The following GC variants were observed in gnomAD, a reference collection of about 807,000 sequenced individuals.
GC encodes the protein GC vitamin D binding protein, also known as vitamin D-binding protein.
In GC, 43 loss-of-function variants were observed where a neutral mutation model predicts 56.7. The observed-to-expected ratio is 0.76, with a 90% confidence interval of 0.59 to 0.98. The LOEUF is 0.98. Among genes scored for constraint, GC ranks in the 50% least tolerant of loss-of-function variants. The pLI is 0.00. For missense variants in GC, 529 were observed against 545.9 expected, an observed-to-expected ratio of 0.97 and a Z score of 0.31; for synonymous variants, 216 against 202.7, an observed-to-expected ratio of 1.07 and a Z score of -0.56.
intron 1 of GC, among the ~76,000 whole-genome samples, chr4:71,799,341 G>T (rs1407437180): frequency 6.6e-6 from 1 of 152,230 alleles, no homozygotes; most frequent in South Asian, 2.1e-4. Flanking sequence ...CTCAATGGAG[G>T]GCTATCTTCC....
intron 6 of GC, among the ~76,000 whole-genome samples, chr4:71,761,702 C>T (rs1358984033): frequency 1.3e-5 from 2 of 152,154 alleles, no homozygotes; most frequent in African/African-American, 4.8e-5. Context: ...CCCTGCATTC[C>T]AGCTGCTCCA....
intron 1 of GC, among the ~76,000 whole-genome samples, chr4:71,790,799 G>T (rs1250652279): frequency 6.6e-6 from 1 of 150,726 alleles, no homozygotes; most frequent in African/African-American, 2.4e-5. Context: ...AAGTTTTAGG[G>T]TACATGTGCA....
chr4:71,763,379 T>G, intron 6 of GC, 29 bp downstream of exon 6: 27 of 1,203,436 alleles, frequency 2.2e-5, no homozygotes, highest in Non-Finnish European at 3.3e-5. Context: ...ACCAAACATC[T>G]AAATATGACA....
At chr4:71,794,281 G>T (rs1388061492) in intron 1 of GC, among the ~76,000 whole-genome samples, 2 of 152,106 alleles carry the variant, frequency 1.3e-5, no homozygotes, top group South Asian at 2.1e-4. Context: ...GAATCTGTCT[G>T]GTCCTGGACT....
At chr4:71,795,471 G>A (rs1476802975) in intron 1 of GC, among the ~76,000 whole-genome samples, 1 of 152,024 alleles carries the variant, frequency 6.6e-6, no homozygotes, top group Non-Finnish European at 1.5e-5. Context: ...CAGAGACTCC[G>A]ATTGCAACCC....
chr4:71,771,690 A>G (rs1742347393), intron 1 of GC, among the ~76,000 whole-genome samples: 1 of 152,166 alleles, frequency 6.6e-6, no homozygotes, highest in Admixed American at 6.6e-5. Flanking sequence ...AAACCTCTGT[A>G]ATGTCTGAGA....
chr4:71,752,456 A>T, intron 11 of GC, 62 bp downstream of exon 11: 1 of 1,327,518 alleles, frequency 7.5e-7, no homozygotes, highest in Non-Finnish European at 1.1e-6. Context: ...AAATGAGTAG[A>T]TTGGAGTGCA....
chr4:71,771,160 C>T (rs1310772806), intron 1 of GC, among the ~76,000 whole-genome samples: 2 of 152,124 alleles, frequency 1.3e-5, no homozygotes, highest in Non-Finnish European at 2.9e-5. Flanking sequence ...TTGGGAAAGT[C>T]ATCTCAGGTG....
chr4:71,782,334 A>T (rs1167243877), intron 1 of GC, among the ~76,000 whole-genome samples: 1 of 151,756 alleles, frequency 6.6e-6, no homozygotes, highest in African/African-American at 2.4e-5. Flanking sequence ...TTCTAAGTAA[A>T]CTGCTGACTT....
intron 1 of GC, among the ~76,000 whole-genome samples, chr4:71,780,174 T>A (rs1388884503): frequency 1.3e-5 from 2 of 152,052 alleles, no homozygotes; most frequent in African/African-American, 4.8e-5. Flanking sequence ...GAAAACTGGC[T>A]AGCCATATGT....
rs767148856 is a variant in GC at position 71,752,483 on chromosome 4, T to G, written c.1395+35A>C. ...TGGAGTGCATACGTTCTTAAAAGAT[T>G]CTGCCATGTTAAGTGGAGGGTTACA... On this transcript the variant is annotated intron_variant, in intron 11 of 12. Transcript: ENST00000273951. 1.9e-6 allele frequency: 3 copies of G among 1,575,896 alleles called. No homozygotes were observed. The East Asian group carries it at 6.7e-5, about 35-fold the overall frequency.
At chr4:71,791,826 C>G (rs921793136) in intron 1 of GC, among the ~76,000 whole-genome samples, 2 of 152,130 alleles carry the variant, frequency 1.3e-5, no homozygotes, top group Non-Finnish European at 2.9e-5. Flanking sequence ...AACCCCTACT[C>G]CCTGACAGGC....
intron 1 of GC, among the ~76,000 whole-genome samples, chr4:71,797,558 T>C (rs1156310225): frequency 1.3e-5 from 2 of 152,154 alleles, no homozygotes; most frequent in African/African-American, 2.4e-5. Flanking sequence ...GTCCTTTTTT[T>C]TCCAGGTACA....
At position 71,763,789 on chromosome 4, in the gene GC, T is replaced by C; in HGVS notation, c.606+15A>G. On this transcript the variant is annotated intron_variant, in intron 5 of 12. Coordinates refer to ENST00000273951, the MANE Select transcript of GC (RefSeq NM_000583.4). ...GAAAAAAACGTAAACATATAATAAG[T>C]AAAATGGGACATACCTCTTTCAAAA... The C allele has an allele frequency of 6.3e-7, 1 of 1,595,076 alleles. No individual in the cohort carries two copies. The highest frequency in any genetic ancestry group is 8.5e-7 in the Non-Finnish European group (1 of 1,171,098).
Position 71,763,901 on chromosome 4 carries a change from G to A in GC, c.509C>T (p.Ala170Val). 2 of 1,610,834 alleles carry A rather than the reference G, an allele frequency of 1.2e-6. No individual in the cohort carries two copies. Among genetic ancestry groups the A allele is most frequent in the East Asian group, 2.2e-5 (1 of 44,864 alleles). Residue 170 changes from alanine (A) to valine (V), a missense_variant, in exon 5 of 13, where the codon GCT becomes GTT. Coordinates refer to ENST00000273951, the MANE Select transcript of GC (RefSeq NM_000583.4). The part of the protein sequence containing the change: ...MWEYSTNYGQ[A>V]PLSLLVSYTK... The stretch of plus-strand genomic sequence containing the variant: ...GTAACTGACTAAAAGTGACAGAGGA[G>A]CTTGTCCGTAATTAGTGGAATATTC...
At chr4:71,793,989 C>A (rs1175108573) in intron 1 of GC, among the ~76,000 whole-genome samples, 5 of 152,198 alleles carry the variant, frequency 3.3e-5, no homozygotes. Context: ...ACCAGCCTTG[C>A]ATCCCAGGGA....
chr4:71,745,973 G>C (rs842999), intron 12 of GC, among the ~76,000 whole-genome samples, 178 bp downstream of exon 12: 64,888 of 151,354 alleles, frequency 0.43, 16,424 homozygotes, highest in Middle Eastern at 0.58. Context: ...TCAGAAATTG[G>C]CTGCTCTTGT....
In GC at chr4:71,765,501, G is replaced by A. The variant is rs142840177; in HGVS notation, c.404C>T (p.Thr135Ile). The change falls in exon 4 of 13, where the codon ACC (threonine) becomes ATC (isoleucine). Residue 135 changes from threonine to isoleucine, a missense_variant. Thr to Ile is a moderately conservative substitution (Grantham distance 89). Transcript: ENST00000273951. ...ALKHQPQEFP[T>I]YVEPTNDEIC... is the part of the protein sequence containing the mutation. ...TTCATCATTTGTGGGTTCCACGTAG[G>A]TAGGGAATTCCTGTGGCTGGTGTTT... 546 of 1,614,024 alleles carry A rather than the reference G, an allele frequency of 3.4e-4. 2 individuals carry two copies. The highest frequency in any genetic ancestry group is 2.0e-3 in the Middle Eastern group (12 of 6,018).
upstream of GC, among the ~76,000 whole-genome samples, chr4:71,787,240 G>A (rs16847031): frequency 0.12 from 17,596 of 151,796 alleles, 1,429 homozygotes; most frequent in African/African-American, 0.23. Context: ...GCCAATGCCT[G>A]TGCTTAAAGT....
Sources: gnomAD v4.1 joint callset for allele counts (sites outside exome capture counted in the v4.1 genomes callset) on GRCh38, gnomAD v4.1.1 for gene constraint, MANE v1.5 for transcripts, NCBI Gene and HGNC (gene_info 2026-07-23, HGNC 2026-07-21) for gene names.